Variants in ATP2A3 observed in about 807,000 individuals in gnomAD.
ATP2A3 encodes the protein sarcoplasmic/endoplasmic reticulum calcium ATPase 3.
A neutral mutation model predicts 106.8 loss-of-function variants in ATP2A3; 61 were observed. That is an observed-to-expected ratio of 0.57 (90% CI 0.46 to 0.71). The LOEUF (loss-of-function observed/expected upper bound fraction) is 0.71. Ranked by LOEUF, ATP2A3 falls within the 30% of genes least tolerant of loss-of-function variation. The pLI is 0.00. For missense variants in ATP2A3, 1,201 were observed against 1,423.5 expected, an observed-to-expected ratio of 0.84 and a Z score of 2.52; for synonymous variants, 611 against 609.3, an observed-to-expected ratio of 1.00 and a Z score of -0.04.
At chr17:3,931,758 T>C (rs561097205) in intron 17 of ATP2A3, among the ~76,000 whole-genome samples, 16 of 152,270 alleles carry the variant, frequency 1.1e-4, no homozygotes, top group African/African-American at 3.9e-4. Flanking sequence ...CCTGACCTCG[T>C]GATCCGCCCG....
At position 3,936,608 on chromosome 17, in the gene ATP2A3, G is replaced by A. The variant is rs996125347; in HGVS notation, c.2322-139C>T. ...AGCCCCTCCTCCCTCCGCCAGCTGTGATGTGAAGGGTGTGTGTACACAGCT... is the reference window on the plus strand; with the variant it reads ...AGCCCCTCCTCCCTCCGCCAGCTGTAATGTGAAGGGTGTGTGTACACAGCT... On this transcript the variant is annotated intron_variant, in intron 15 of 20. Coordinates refer to ENST00000397041, the MANE Select transcript of ATP2A3 (RefSeq NM_005173.4). The surrounding 1 kb of genome is among the most constrained non-coding windows in gnomAD (Gnocchi z 5.4). The A allele has an allele frequency of 2.3e-6, 2 of 886,410 alleles. No individual in the cohort carries two copies. Among genetic ancestry groups the A allele is most frequent in the Admixed American group, 2.0e-5 (1 of 50,112 alleles). The allele number at this position is 886,410 out of a possible 1,614,324, so 54.9% of individuals were successfully genotyped here. A position where few individuals can be genotyped will look rare whatever the true frequency, so the allele number is the denominator to read the frequency against.
rs2053013805 is a variant in ATP2A3, at chr17:3,930,545, C to G, written c.2611-111G>C. 1.4e-6 allele frequency: 2 copies of G among 1,399,084 alleles called. No individual in the cohort carries two copies. The highest frequency in any genetic ancestry group is 2.9e-5 in the African/African-American group (2 of 69,418). 86.7% of individuals were successfully genotyped at this position (1,399,084 alleles called of 1,614,324 possible). On this transcript the variant is annotated intron_variant, in intron 17 of 20. Coordinates refer to ENST00000397041, the MANE Select transcript of ATP2A3 (RefSeq NM_005173.4). This position sits in a 1 kb window ranked among gnomAD's most constrained non-coding sequence, Gnocchi z 5.4. ...GGCCCACGCCTGGGCACAACCAGCA[C>G]ACAAAACACTGCCGTGGGGTGGGCT...
intron 14 of ATP2A3, among the ~76,000 whole-genome samples, 188 bp from the exon 15 acceptor site, chr17:3,937,824 G>T (rs950287652): frequency 3.3e-5 from 5 of 152,186 alleles, no homozygotes; most frequent in African/African-American, 1.2e-4. Flanking sequence ...GAAGGCAAGG[G>T]ATGCAGACAA....
intron 20 of ATP2A3, chr17:3,927,008 G>A (rs967362045): frequency 2.5e-5 from 25 of 985,316 alleles, no homozygotes; most frequent in Middle Eastern, 5.2e-4. Context: ...TGCCCCTGCC[G>A]GGCCTCACCC....
In ATP2A3 at chr17:3,953,349, A is replaced by G; in HGVS notation, c.217T>C (p.Phe73Leu). 6.2e-7 allele frequency: 1 copy of G among 1,613,866 alleles called. No individual in the cohort carries two copies. The highest frequency in any genetic ancestry group is 8.5e-7 in the Non-Finnish European group (1 of 1,179,938). The change falls in exon 3 of 21, where the codon TTT becomes CTT. Residue 73 changes from phenylalanine (F) to leucine (L), a missense_variant and splice_region_variant. Phe to Leu is a conservative substitution (Grantham distance 22, BLOSUM62 0). This residue lies in a region of ATP2A3 where 266 missense variants were observed against 246.8 expected (regional missense o/e 1.08). Coordinates refer to ENST00000397041, the MANE Select transcript of ATP2A3 (RefSeq NM_005173.4). This position sits in a 1 kb window ranked among gnomAD's most constrained non-coding sequence, Gnocchi z 5.1. ...RILLLAALVSFVLAWFEEGEE... is the reference protein window; with the variant it reads ...RILLLAALVSLVLAWFEEGEE... ...ATGGCTGGCAGGGCCCTACTTACAA[A>G]GGAGACAAGGGCAGCCAGCAGCAGG... is the stretch of plus-strand genomic sequence containing the variant.
Position 3,941,494 on chromosome 17 carries a change from G to T in ATP2A3, c.1706C>A (p.Ala569Glu). 1 of 1,613,666 alleles carries T rather than the reference G, an allele frequency of 6.2e-7. No homozygotes were observed. The change falls in exon 13 of 21, where the codon GCG (alanine) becomes GAG (glutamate). Residue 569 changes from alanine (A) to glutamate (E), a missense_variant. This residue lies in a region of ATP2A3 where 935 missense variants were observed against 1,176.7 expected (regional missense o/e 0.79). Coordinates refer to ENST00000397041, the MANE Select transcript of ATP2A3 (RefSeq NM_005173.4). ...LRCLALATRD[A>E]PPRKEDMELD... ...CTCCATGTCCTCCTTCCTTGGGGGC[G>T]CGTCCCGGGTGGCCAGTGCCAGGCA...
At chr17:3,951,545 C>CCCCCCCCCCCCCG (rs1567715136) in intron 4 of ATP2A3, 36 bp downstream of exon 4, 2 of 1,351,084 alleles carry the variant, frequency 1.5e-6, no homozygotes, top group Non-Finnish European at 1.0e-6. Flanking sequence ...GCTGGGAGAC[C>CCCCCCCCCCCCCG]GCCCCCCGCC....
Position 3,936,645 on chromosome 17 carries a change from C to G in ATP2A3, c.2322-176G>C, listed in dbSNP as rs552578617. 11 of 690,948 alleles carry G rather than the reference C, an allele frequency of 1.6e-5. No individual in the cohort carries two copies. Among genetic ancestry groups the G allele is most frequent in the African/African-American group, 1.4e-4 (8 of 56,976 alleles). The allele number at this position is 690,948 out of a possible 1,614,324, so 42.8% of individuals were successfully genotyped here. ...GTGTGTACACAGCTCTGCCTCGGGC[C>G]TGGCCAGTCCTGCCTTCCCCAGTCC... On this transcript the variant is annotated intron_variant, in intron 15 of 20. Coordinates refer to ENST00000397041, the MANE Select transcript of ATP2A3 (RefSeq NM_005173.4). The surrounding 1 kb of genome is among the most constrained non-coding windows in gnomAD (Gnocchi z 5.4).
chr17:3,950,985 T>C (rs1338658821), intron 5 of ATP2A3, among the ~76,000 whole-genome samples: 1 of 151,978 alleles, frequency 6.6e-6, no homozygotes, highest in Non-Finnish European at 1.5e-5. Context: ...CCACCCCCTC[T>C]GTATATACGG....
At position 3,953,851 on chromosome 17, in the gene ATP2A3, C is replaced by T; in HGVS notation, c.119-141G>A. 2.2e-6 allele frequency: 2 copies of T among 911,450 alleles called. No homozygotes were observed. The highest frequency in any genetic ancestry group is 3.5e-6 in the Non-Finnish European group (2 of 566,996). 56.5% of individuals were successfully genotyped at this position (911,450 alleles called of 1,614,324 possible). A position where few individuals can be genotyped will look rare whatever the true frequency, so the allele number is the denominator to read the frequency against. ...ACGGACTGGATGTATCCCCAGGGCT[C>T]TCTGAGGCCACAGGATAAATGGTTT... is the stretch of plus-strand genomic sequence containing the variant. On this transcript the variant is annotated intron_variant, in intron 1 of 20. Coordinates refer to ENST00000397041, the MANE Select transcript of ATP2A3 (RefSeq NM_005173.4). The surrounding 1 kb of genome is among the most constrained non-coding windows in gnomAD (Gnocchi z 5.1).
Position 3,928,753 on chromosome 17 carries a change from C to T in ATP2A3, c.2890G>A (p.Gly964Arg), listed in dbSNP as rs751946351. ...PLIFQVTPLS[G>R]RQWVVVLQIS... The stretch of plus-strand genomic sequence containing the variant: ...TGGAGCACCACCACCCACTGGCGCC[C>T]GCTCAGTGGGGTCACCTGGAAAATG... The change falls in exon 20 of 21, where the codon GGG becomes AGG. Residue 964 changes from glycine to arginine, a missense_variant. Gly to Arg is a moderately radical substitution (Grantham distance 125, BLOSUM62 -2). This residue lies in a region of ATP2A3 where 935 missense variants were observed against 1,176.7 expected (regional missense o/e 0.79). Transcript: ENST00000397041. This position sits in a 1 kb window ranked among gnomAD's most constrained non-coding sequence, Gnocchi z 6.1. 4.2e-5 allele frequency: 66 copies of T among 1,553,218 alleles called. No homozygotes were observed. Among genetic ancestry groups the T allele is most frequent in the Middle Eastern group, 3.3e-4 (2 of 5,996 alleles).
rs190782580 is a variant in ATP2A3 at position 3,941,332 on chromosome 17, G to A, written c.1765-26C>T. On this transcript the variant is annotated intron_variant, in intron 13 of 20. Coordinates refer to ENST00000397041, the MANE Select transcript of ATP2A3 (RefSeq NM_005173.4). ...CTGTAGGGAGGGGGCAGATTCAAGC[G>A]GGGCCTGAGCCCATCCCTGACCTAC... 111 of 1,613,480 alleles carry A rather than the reference G, an allele frequency of 6.9e-5. No homozygotes were observed. The African/African-American group carries it at 1.2e-3, about 17-fold the overall frequency.
At position 3,953,201 on chromosome 17, in the gene ATP2A3, G is replaced by A. The variant is rs1567718108; in HGVS notation, c.219+146C>T. The A allele has an allele frequency of 1.1e-6, 1 of 920,070 alleles. No homozygotes were observed. The highest frequency in any genetic ancestry group is 1.8e-6 in the Non-Finnish European group (1 of 562,804). 57.0% of individuals were successfully genotyped at this position (920,070 alleles called of 1,614,324 possible). On this transcript the variant is annotated intron_variant, in intron 3 of 20. Coordinates refer to ENST00000397041, the MANE Select transcript of ATP2A3 (RefSeq NM_005173.4). This position sits in a 1 kb window ranked among gnomAD's most constrained non-coding sequence, Gnocchi z 5.1. Reference sequence around the variant, plus strand: ...GTTCAGGCAAGGGAAGCTGAAGTCTGAGCAGGGCAGGGCCAGGGAAGGCCA... The same window carrying A: ...GTTCAGGCAAGGGAAGCTGAAGTCTAAGCAGGGCAGGGCCAGGGAAGGCCA...
At chr17:3,958,279 C>T (rs1423015708) in intron 1 of ATP2A3, among the ~76,000 whole-genome samples, 1 of 152,216 alleles carries the variant, frequency 6.6e-6, no homozygotes, top group Non-Finnish European at 1.5e-5. Flanking sequence ...ACACAGTGAA[C>T]ACGCTCCAGC....
chr17:3,925,372 G>A lies in ATP2A3; in HGVS notation c.*50C>T, dbSNP rs776822884. 5.0e-6 allele frequency: 8 copies of A among 1,613,574 alleles called. No homozygotes were observed. Among genetic ancestry groups the A allele is most frequent in the African/African-American group, 1.3e-5 (1 of 74,864 alleles). On this transcript the variant is annotated 3_prime_UTR_variant, in exon 21 of 21. Transcript: ENST00000397041. This position sits in a 1 kb window ranked among gnomAD's most constrained non-coding sequence, Gnocchi z 4.2. ...GTGGGGGGCGGAGGCGAACACATGG[G>A]CACCATCAGTCTGAGGTACACACCG...
In ATP2A3 at chr17:3,953,840, T is replaced by C; in HGVS notation, c.119-130A>G. ...AGACCCCCACCACGGACTGGATGTATCCCCAGGGCTCTCTGAGGCCACAGG... is the reference window on the plus strand; with the variant it reads ...AGACCCCCACCACGGACTGGATGTACCCCCAGGGCTCTCTGAGGCCACAGG... On this transcript the variant is annotated intron_variant, in intron 1 of 20. Transcript: ENST00000397041. The surrounding 1 kb of genome is among the most constrained non-coding windows in gnomAD (Gnocchi z 5.1). 1.0e-6 allele frequency: 1 copy of C among 987,140 alleles called. No individual in the cohort carries two copies. The highest frequency in any genetic ancestry group is 2.6e-5 in the East Asian group (1 of 38,310). The allele number at this position is 987,140 out of a possible 1,614,324, so 61.1% of individuals were successfully genotyped here. A position where few individuals can be genotyped will look rare whatever the true frequency, so the allele number is the denominator to read the frequency against.
chr17:3,934,937 C>T, intron 17 of ATP2A3: 1 of 522,750 alleles, frequency 1.9e-6, no homozygotes, highest in South Asian at 2.1e-5. Context: ...AGGTAAGATA[C>T]ATCTGGCAGT....
intron 1 of ATP2A3, among the ~76,000 whole-genome samples, chr17:3,959,022 G>A (rs987618045): frequency 1.3e-5 from 2 of 151,354 alleles, no homozygotes; most frequent in African/African-American, 4.9e-5. Context: ...CTCCCAAATA[G>A]CTGGGATTAC....
rs1014517897 is a variant in ATP2A3, at chr17:3,928,611, G to A, written c.2980+52C>T. 3 of 1,455,642 alleles carry A rather than the reference G, an allele frequency of 2.1e-6. No individual in the cohort carries two copies. The highest frequency in any genetic ancestry group is 3.9e-5 in the Admixed American group (2 of 50,866). The allele number at this position is 1,455,642 out of a possible 1,614,324, so 90.2% of individuals were successfully genotyped here. On this transcript the variant is annotated intron_variant, in intron 20 of 20. Coordinates refer to ENST00000397041, the MANE Select transcript of ATP2A3 (RefSeq NM_005173.4). The surrounding 1 kb of genome is among the most constrained non-coding windows in gnomAD (Gnocchi z 6.1). The stretch of plus-strand genomic sequence containing the variant: ...CCACAGCGTCCACTGCAGCCCAGGA[G>A]CAGAGGCGGGCGGGGAGGCAGGCTG...
Sources: gnomAD v4.1 joint callset for allele counts (sites outside exome capture counted in the v4.1 genomes callset) on GRCh38, gnomAD v4.1.1 for gene constraint, gnomAD v4.1.1 regional missense constraint, Gnocchi (gnomAD v3.1) non-coding constraint, MANE v1.5 for transcripts, NCBI Gene and HGNC (gene_info 2026-07-23, HGNC 2026-07-21) for gene names.